The following PCDH7 variants were observed in gnomAD, a reference collection of about 807,000 sequenced individuals.
PCDH7 encodes the protein protocadherin-7.
Under a neutral mutation model 58.9 loss-of-function variants are expected in PCDH7, and 17 were observed. That is an observed-to-expected ratio of 0.29 (90% CI 0.20 to 0.43). The LOEUF is 0.43. Among genes scored for constraint, PCDH7 ranks in the 20% least tolerant of loss-of-function variants. The probability of loss-of-function intolerance (pLI) is 1.00; values close to 1 mark genes in which losing one functional copy is unlikely to be tolerated. For missense variants in PCDH7, 1,274 were observed against 1,441.0 expected (o/e 0.88, Z 1.88); for synonymous variants, 664 against 616.4 (o/e 1.08, Z -1.14).
chr4:30,767,085 G>A (rs147919097), intron 1 of PCDH7, among the ~76,000 whole-genome samples: 1 of 151,638 alleles, frequency 6.6e-6, no homozygotes, highest in East Asian at 1.9e-4. Flanking sequence ...AATCACTAGT[G>A]GGCTGTAAAT....
intron 1 of PCDH7, among the ~76,000 whole-genome samples, chr4:30,727,537 C>A (rs1360445141): frequency 6.6e-6 from 1 of 151,846 alleles, no homozygotes; most frequent in African/African-American, 2.4e-5. Context: ...TAGTTCATAC[C>A]TTTGCATTTC....
At position 31,088,552 on chromosome 4, in the gene PCDH7, T is replaced by G. The variant is rs945591051; in HGVS notation, c.*8-53921T>G. On this transcript the variant is annotated intron_variant, in intron 3 of 3. Coordinates refer to the PCDH7 transcript ENST00000509759. ...CTAGGCCTCGTGAAGGCAAGAGTTATTATTTAATGGCCTTTATAATTTCAA... is the reference window on the plus strand; with the variant it reads ...CTAGGCCTCGTGAAGGCAAGAGTTAGTATTTAATGGCCTTTATAATTTCAA... Among the ~76,000 whole-genome samples, 4 of 152,084 alleles carry G rather than the reference T, an allele frequency of 2.6e-5. No homozygotes were observed. In the South Asian group the frequency reaches 6.2e-4, roughly 24 times the overall value.
chr4:30,869,436 A>G (rs1735268469), intron 1 of PCDH7, among the ~76,000 whole-genome samples: 1 of 151,444 alleles, frequency 6.6e-6, no homozygotes, highest in Non-Finnish European at 1.5e-5. Flanking sequence ...CCTTCCCTAA[A>G]CCCCACCCAC....
intron 3 of PCDH7, among the ~76,000 whole-genome samples, chr4:31,121,654 C>A (rs1717706943): frequency 1.3e-5 from 2 of 152,088 alleles, no homozygotes; most frequent in Non-Finnish European, 2.9e-5. Flanking sequence ...TAAGCACTCC[C>A]AATGTCCAAA....
chr4:30,908,648 T>C (rs1741314679), intron 1 of PCDH7, among the ~76,000 whole-genome samples: 1 of 152,116 alleles, frequency 6.6e-6, no homozygotes, highest in South Asian at 2.1e-4. Context: ...ATTAATTGCC[T>C]ACCAACCAAA....
intron 3 of PCDH7, among the ~76,000 whole-genome samples, chr4:30,961,292 C>T (rs1199826548): frequency 6.6e-6 from 1 of 151,556 alleles, no homozygotes; most frequent in East Asian, 2.0e-4. Context: ...TGCCTGTAAT[C>T]CCAGCACTTT....
chr4:31,051,616 T>C (rs1578660618), intron 3 of PCDH7, among the ~76,000 whole-genome samples: 1 of 152,304 alleles, frequency 6.6e-6, no homozygotes, highest in East Asian at 1.9e-4. Context: ...AATAATGCCC[T>C]TTGTTTTAAA....
At chr4:31,035,960 A>G (rs1156925882) in intron 3 of PCDH7, among the ~76,000 whole-genome samples, 1 of 152,054 alleles carries the variant, frequency 6.6e-6, no homozygotes, top group African/African-American at 2.4e-5. Flanking sequence ...GTGGACTTTC[A>G]CCTTTGATTT....
intron 2 of PCDH7, among the ~76,000 whole-genome samples, chr4:30,946,653 A>C (rs1373263269): frequency 6.7e-6 from 1 of 149,012 alleles, no homozygotes; most frequent in Non-Finnish European, 1.5e-5. Flanking sequence ...TTTGATTTTA[A>C]TCCCCAATTA....
chr4:30,817,653 T>C (rs903728516), intron 1 of PCDH7, among the ~76,000 whole-genome samples: 1 of 152,072 alleles, frequency 6.6e-6, no homozygotes, highest in African/African-American at 2.4e-5. Flanking sequence ...CCTGTCAGCA[T>C]TTTTCAGGAT....
intron 1 of PCDH7, among the ~76,000 whole-genome samples, chr4:30,777,811 C>T (rs1560359545): frequency 6.6e-6 from 1 of 152,086 alleles, no homozygotes; most frequent in Non-Finnish European, 1.5e-5. Context: ...GGTAGTATAA[C>T]TCTATCTGAA....
At chr4:30,806,555 C>T (rs1323744175) in intron 1 of PCDH7, among the ~76,000 whole-genome samples, 4 of 151,780 alleles carry the variant, frequency 2.6e-5, no homozygotes, top group Non-Finnish European at 5.9e-5. Context: ...CCACCTGCCT[C>T]GGCTTCCCAA....
intron 1 of PCDH7, among the ~76,000 whole-genome samples, chr4:30,846,849 G>A (rs1578028246): frequency 6.6e-6 from 1 of 152,052 alleles, no homozygotes; most frequent in African/African-American, 2.4e-5. Context: ...TGCAGCCAGG[G>A]GCAGTGGCTC....
At chr4:31,062,983 ATG>A (rs915711708) in intron 3 of PCDH7, among the ~76,000 whole-genome samples, 1 of 151,822 alleles carries the variant, frequency 6.6e-6, no homozygotes, top group Non-Finnish European at 1.5e-5. Context: ...AAGAGAGAAT[ATG>A]TGTGTTTATT....
intron 1 of PCDH7, among the ~76,000 whole-genome samples, chr4:30,913,985 C>T (rs943877183): frequency 6.6e-6 from 1 of 152,074 alleles, no homozygotes; most frequent in Non-Finnish European, 1.5e-5. Context: ...AATCGCACAC[C>T]CCTTCCTCTG....
At chr4:30,895,616 G>T (rs996570016) in intron 1 of PCDH7, among the ~76,000 whole-genome samples, 1 of 152,050 alleles carries the variant, frequency 6.6e-6, no homozygotes, top group Admixed American at 6.6e-5. Flanking sequence ...AAAAGTTAGA[G>T]CAGGACATTA....
chr4:31,142,550 T>C, exon 4 of PCDH7: 2 of 1,367,786 alleles, frequency 1.5e-6, no homozygotes, highest in African/African-American at 1.5e-5. Flanking sequence ...CTCAGACTCC[T>C]GCTGGATGCC....
intron 1 of PCDH7, among the ~76,000 whole-genome samples, chr4:30,875,209 T>C (rs996685203): frequency 6.6e-5 from 10 of 152,080 alleles, no homozygotes; most frequent in African/African-American, 2.2e-4. Flanking sequence ...TCTTCTTGGT[T>C]TGTTTGGCCA....
chr4:31,098,967 C>T (rs1714535346), intron 3 of PCDH7, among the ~76,000 whole-genome samples: 1 of 152,108 alleles, frequency 6.6e-6, no homozygotes, highest in South Asian at 2.1e-4. Flanking sequence ...TGTGCACACT[C>T]CTCTCTCATA....
Sources: gnomAD v4.1 joint callset for allele counts (sites outside exome capture counted in the v4.1 genomes callset) on GRCh38, gnomAD v4.1.1 for gene constraint, MANE v1.5 for transcripts, NCBI Gene and HGNC (gene_info 2026-07-23, HGNC 2026-07-21) for gene names.